Variants in SHLD1 observed in about 807,000 individuals in gnomAD.
The protein encoded by SHLD1 is RINN1-REV7-interacting novel NHEJ regulator 3.
A neutral mutation model predicts 5.5 loss-of-function variants in SHLD1; 3 were observed. The observed-to-expected ratio is 0.54, with a 90% CI of 0.25 to 1.40. The LOEUF is 1.40. SHLD1 is among the 40% of genes most tolerant of loss of function. The pLI is 0.15. For missense variants in SHLD1, 210 were observed against 244.4 expected (o/e 0.86, Z 0.94); for synonymous variants, 92 against 94.3 (o/e 0.98, Z 0.14).
chr20:5,764,092 A>C (rs1984637311), intron 1 of SHLD1, among the ~76,000 whole-genome samples: 1 of 140,852 alleles, frequency 7.1e-6, no homozygotes, highest in African/African-American at 2.7e-5. Flanking sequence ...GTGCCACTGC[A>C]CTCCAGCCTG....
At chr20:5,861,510 A>G (rs551298592) in intron 2 of SHLD1, among the ~76,000 whole-genome samples, 2 of 152,336 alleles carry the variant, frequency 1.3e-5, no homozygotes, top group East Asian at 1.9e-4. Context: ...ATGCTTGTCC[A>G]TGTGTAGGCC....
At chr20:5,856,417 C>T (rs961220108) in intron 2 of SHLD1, among the ~76,000 whole-genome samples, 1 of 152,206 alleles carries the variant, frequency 6.6e-6, no homozygotes, top group Non-Finnish European at 1.5e-5. Context: ...CCCAATGATT[C>T]TGTTCCCTCC....
chr20:5,791,420 T>C (rs1191672428), intron 2 of SHLD1, among the ~76,000 whole-genome samples: 8 of 151,598 alleles, frequency 5.3e-5, no homozygotes, highest in Non-Finnish European at 2.9e-5. Context: ...AAAAATTAGC[T>C]GGGTGTGATG....
At chr20:5,847,915 A>G (rs1034382929) in intron 2 of SHLD1, among the ~76,000 whole-genome samples, 1 of 152,206 alleles carries the variant, frequency 6.6e-6, no homozygotes, top group African/African-American at 2.4e-5. Flanking sequence ...CTCCTGATAC[A>G]TGTGCACAAG....
At chr20:5,798,963 C>T (rs961570562) in intron 2 of SHLD1, among the ~76,000 whole-genome samples, 10 of 152,116 alleles carry the variant, frequency 6.6e-5, no homozygotes, top group Non-Finnish European at 1.3e-4. Context: ...GTGGGTGGAT[C>T]ACTTGAGCCC....
intron 1 of SHLD1, among the ~76,000 whole-genome samples, chr20:5,771,125 T>C (rs1162210513): frequency 3.3e-5 from 5 of 152,228 alleles, no homozygotes; most frequent in Non-Finnish European, 5.9e-5. Flanking sequence ...AGCTTTATCA[T>C]ATGCCCTGCA....
intron 2 of SHLD1, among the ~76,000 whole-genome samples, chr20:5,809,679 G>A (rs237072): frequency 0.035 from 5,354 of 152,090 alleles, 235 homozygotes; most frequent in African/African-American, 0.096. Context: ...ACCAGTGGCC[G>A]TTGCCCCGTG....
chr20:5,761,949 G>A (rs1331937679), intron 1 of SHLD1, among the ~76,000 whole-genome samples: 1 of 151,744 alleles, frequency 6.6e-6, no homozygotes, highest in Non-Finnish European at 1.5e-5. Context: ...ATCTCTAGAA[G>A]GTAAGTATTT....
chr20:5,779,055 C>A (rs1568498248), intron 2 of SHLD1, among the ~76,000 whole-genome samples: 1 of 151,890 alleles, frequency 6.6e-6, no homozygotes. Flanking sequence ...ATACAAAAAT[C>A]AGCCAGGCAT....
Position 5,806,070 on chromosome 20 carries a change from G to A in SHLD1, c.178+33027G>A, listed in dbSNP as rs2087370846. On this transcript the variant is annotated intron_variant, in intron 2 of 2. Transcript: ENST00000303142. The surrounding 1 kb of genome is among the most constrained non-coding windows in gnomAD (Gnocchi z 7.6). Reference sequence around the variant, plus strand: ...TTTAGAGATGCGGCCTTGCTCTGTTGCCCAGGCTAGTTTAGAACTCCTGGG... The same window carrying A: ...TTTAGAGATGCGGCCTTGCTCTGTTACCCAGGCTAGTTTAGAACTCCTGGG... 6.6e-6 allele frequency among the ~76,000 whole-genome samples: 1 copy of A among 152,116 alleles called. No individual in the cohort carries two copies.
chr20:5,776,524 A>G (rs915807457), intron 2 of SHLD1, among the ~76,000 whole-genome samples: 8 of 152,104 alleles, frequency 5.3e-5, no homozygotes, highest in African/African-American at 1.9e-4. Flanking sequence ...GCACTTTGGG[A>G]GGCCGAGGCG....
intron 2 of SHLD1, among the ~76,000 whole-genome samples, chr20:5,840,961 C>T (rs1189036709): frequency 6.6e-6 from 1 of 152,010 alleles, no homozygotes; most frequent in African/African-American, 2.4e-5. Context: ...GTCAATGGAA[C>T]ACCTACAACC....
intron 1 of SHLD1, among the ~76,000 whole-genome samples, chr20:5,759,837 A>G (rs933835197): frequency 2.0e-5 from 3 of 152,178 alleles, no homozygotes; most frequent in Non-Finnish European, 4.4e-5. Flanking sequence ...CACTGTGCCC[A>G]GCCAACTTTT....
chr20:5,846,196 T>C (rs989168874), intron 2 of SHLD1, among the ~76,000 whole-genome samples: 8 of 152,174 alleles, frequency 5.3e-5, no homozygotes, highest in African/African-American at 1.7e-4. Flanking sequence ...CTACCAAATA[T>C]TGACTTGTTG....
chr20:5,764,028 G>A (rs1292279775), intron 1 of SHLD1, among the ~76,000 whole-genome samples: 1 of 146,658 alleles, frequency 6.8e-6, no homozygotes, highest in Non-Finnish European at 1.5e-5. Context: ...TCGGGAGACT[G>A]AGGCAGGATA....
At chr20:5,834,083 A>G (rs2087762010) in intron 2 of SHLD1, among the ~76,000 whole-genome samples, 1 of 152,138 alleles carries the variant, frequency 6.6e-6, no homozygotes. Flanking sequence ...TAGATGTGAT[A>G]TTTATGTTCT....
chr20:5,848,826 C>G (rs570670354), intron 2 of SHLD1, among the ~76,000 whole-genome samples: 116 of 152,206 alleles, frequency 7.6e-4, no homozygotes, highest in African/African-American at 2.7e-3. Flanking sequence ...GTGGTGGCCT[C>G]TTAGAGGACC....
At chr20:5,814,654 CTTTTT>C (rs148119460) in intron 2 of SHLD1, among the ~76,000 whole-genome samples, 2 of 103,810 alleles carry the variant, frequency 1.9e-5, no homozygotes. Flanking sequence ...TTTTCTTCTT[CTTTTT>C]TTTTTTTTTT....
In SHLD1 at chr20:5,811,866, A is replaced by T. The variant is rs1040442857; in HGVS notation, c.178+38823A>T. ...GTGAAACTGTGTCTCTGAAAAAAAA[A>T]AAAATGAATTTGAACACCTGCACTA... On this transcript the variant is annotated intron_variant, in intron 2 of 2. Coordinates refer to ENST00000303142, the MANE Select transcript of SHLD1 (RefSeq NM_152504.4). 9.9e-5 allele frequency among the ~76,000 whole-genome samples: 15 copies of T among 152,090 alleles called. No individual in the cohort carries two copies. In the East Asian group the frequency reaches 2.7e-3, roughly 27 times the overall value.
Sources: allele counts gnomAD v4.1 joint callset (sites outside exome capture counted in the v4.1 genomes callset), GRCh38; gene constraint gnomAD v4.1.1; non-coding constraint Gnocchi (gnomAD v3.1); transcripts MANE v1.5; gene names NCBI Gene and HGNC (gene_info 2026-07-23, HGNC 2026-07-21).